Variants in CACHD1 observed in about 807,000 individuals in gnomAD.
The protein encoded by CACHD1 is VWFA and cache domain-containing protein 1.
CACHD1 carries 71 observed loss-of-function variants against 138.7 expected under a neutral mutation model. The observed-to-expected ratio is 0.51, with a 90% CI of 0.42 to 0.62. The LOEUF is 0.62. Among genes scored for constraint, CACHD1 ranks in the 20% least tolerant of loss-of-function variants. The pLI is 0.00. For synonymous variants in CACHD1, 578 were observed against 591.5 expected, an observed-to-expected ratio of 0.98 and a Z score of 0.33; for missense variants, 1,389 against 1,625.3, an observed-to-expected ratio of 0.85 and a Z score of 2.50.
At chr1:64,681,547 T>TTTTTTGTTTG (rs1481216139) in intron 25 of CACHD1, among the ~76,000 whole-genome samples, 8 of 114,504 alleles carry the variant, frequency 7.0e-5, no homozygotes, top group African/African-American at 2.2e-4. Flanking sequence ...TTGTGTTTTT[T>TTTTTTGTTTG]TTTTTTTTTT....
rs376685233 is a variant in CACHD1 at position 64,590,163 on chromosome 1, A to G, written c.410+7859A>G. 8.5e-5 allele frequency among the ~76,000 whole-genome samples: 13 copies of G among 152,128 alleles called. 1 individual carries two copies. Among genetic ancestry groups the G allele is most frequent in the Admixed American group, 4.6e-4 (7 of 15,270 alleles). ...TCTACTAAAAACAAACAAAACAAAC[A>G]AACAAAAAATTAGCCGGGCGTGGTG... On this transcript the variant is annotated intron_variant, in intron 3 of 26. Coordinates refer to ENST00000651257, the MANE Select transcript of CACHD1 (RefSeq NM_020925.4).
intron 1 of CACHD1, among the ~76,000 whole-genome samples, chr1:64,515,770 T>C (rs1646454256): frequency 1.3e-5 from 2 of 152,158 alleles, no homozygotes; most frequent in African/African-American, 4.8e-5. Context: ...TCTGAAGTGG[T>C]GTGCAGAAAT....
intron 3 of CACHD1, among the ~76,000 whole-genome samples, chr1:64,590,857 A>T (rs988314752): frequency 2.0e-5 from 3 of 152,172 alleles, no homozygotes; most frequent in Non-Finnish European, 2.9e-5. Context: ...CAAAGAGTGG[A>T]TGGGCCTCCA....
chr1:64,598,335 T>C (rs2100570098), intron 3 of CACHD1, among the ~76,000 whole-genome samples: 1 of 152,330 alleles, frequency 6.6e-6, no homozygotes, highest in Non-Finnish European at 1.5e-5. Context: ...CTAACTTGAC[T>C]GGCGAGTGAA....
intron 4 of CACHD1, chr1:64,613,528 C>T (rs1055626733): frequency 5.3e-5 from 8 of 152,238 alleles, no homozygotes; most frequent in South Asian, 2.1e-4. Flanking sequence ...GGTATGGCTA[C>T]GTGTTTAAAA....
At chr1:64,654,599 A>C in intron 11 of CACHD1, 87 bp from the exon 12 acceptor site, 1 of 911,208 alleles carries the variant, frequency 1.1e-6, no homozygotes, top group Non-Finnish European at 1.8e-6. Flanking sequence ...GGAGGTGGCC[A>C]TTGACTCAAC....
chr1:64,641,878 A>G lies in CACHD1; in HGVS notation c.1065A>G (p.Glu355=). ...SAGITSKDSS[E]EDKKATLQVI... ...GCATTACATCAAAGGACTCTTCGGA[A>G]GAAGATAAAAAAGCGACTCTCCAAG... Residue 355 remains glutamate, a synonymous_variant, in exon 8 of 27, where the codon GAA becomes GAG. Coordinates refer to ENST00000651257, the MANE Select transcript of CACHD1 (RefSeq NM_020925.4). 6.3e-7 allele frequency: 1 copy of G among 1,594,398 alleles called. No individual in the cohort carries two copies. The highest frequency in any genetic ancestry group is 8.6e-7 in the Non-Finnish European group (1 of 1,166,864).
At position 64,557,856 on chromosome 1, in the gene CACHD1, T is replaced by A. The variant is rs79931109; in HGVS notation, c.261+7200T>A. Among the ~76,000 whole-genome samples, 3 of 152,280 alleles carry A rather than the reference T, an allele frequency of 2.0e-5. No homozygotes were observed. The East Asian group carries it at 5.8e-4, about 29-fold the overall frequency. On this transcript the variant is annotated intron_variant, in intron 2 of 26. Transcript: ENST00000651257. ...CCCAGTCACCCAGCCTGGAGTGCAATGCAGCGATCTCGGCTAACTGCAACC... is the reference window on the plus strand; with the variant it reads ...CCCAGTCACCCAGCCTGGAGTGCAAAGCAGCGATCTCGGCTAACTGCAACC...
chr1:64,547,627 A>T (rs1646727644), intron 1 of CACHD1, among the ~76,000 whole-genome samples: 1 of 152,144 alleles, frequency 6.6e-6, no homozygotes, highest in Non-Finnish European at 1.5e-5. Context: ...TAAGCCTCCC[A>T]AGGTGCTGGG....
intron 1 of CACHD1, among the ~76,000 whole-genome samples, chr1:64,532,230 A>G (rs1646592837): frequency 6.6e-6 from 1 of 152,148 alleles, no homozygotes; most frequent in African/African-American, 2.4e-5. Flanking sequence ...CCAGTGGGGT[A>G]TGGCTGACTC....
intron 3 of CACHD1, among the ~76,000 whole-genome samples, chr1:64,602,049 G>C (rs748880914): frequency 2.0e-5 from 3 of 152,062 alleles, no homozygotes; most frequent in African/African-American, 4.8e-5. Context: ...CTATAGCAAT[G>C]GATCATTGAT....
chr1:64,501,421 C>A (rs1162760206), intron 1 of CACHD1, among the ~76,000 whole-genome samples: 1 of 152,172 alleles, frequency 6.6e-6, no homozygotes, highest in Non-Finnish European at 1.5e-5. Flanking sequence ...TGACCAGAGG[C>A]CTTCCAGTCA....
intron 1 of CACHD1, among the ~76,000 whole-genome samples, chr1:64,543,398 A>ATACATATAT (rs1207530916): frequency 3.8e-5 from 2 of 53,074 alleles, no homozygotes; most frequent in African/African-American, 8.0e-5. Flanking sequence ...TCTAAAAAAA[A>ATACATATAT]ATACATATAT....
At chr1:64,477,584 G>GATTATTATTATTATT (rs10701038) in intron 1 of CACHD1, among the ~76,000 whole-genome samples, 1 of 136,158 alleles carries the variant, frequency 7.3e-6, no homozygotes, top group Non-Finnish European at 1.5e-5. Context: ...CTTCCCCCCA[G>GATTATTATTATTATT]ATTATTATTA....
At chr1:64,543,402 C>CATATATATATATATATATATATATAT (rs140966471) in intron 1 of CACHD1, among the ~76,000 whole-genome samples, 108 of 126,818 alleles carry the variant, frequency 8.5e-4, no homozygotes, top group Middle Eastern at 3.8e-3. Flanking sequence ...AAAAAAAATA[C>CATATATATATATATATATATATATAT]ATATATATAT....
At chr1:64,665,526 T>C (rs116098231) in intron 15 of CACHD1, among the ~76,000 whole-genome samples, 2,438 of 152,284 alleles carry the variant, frequency 0.016, 31 homozygotes, top group Non-Finnish European at 0.023. Context: ...AGATATATAC[T>C]GAGTTCAATG....
chr1:64,612,315 T>C (rs1253966910), intron 4 of CACHD1, among the ~76,000 whole-genome samples: 1 of 152,240 alleles, frequency 6.6e-6, no homozygotes, highest in African/African-American at 2.4e-5. Flanking sequence ...CATTTTTGTA[T>C]GCATTTACCT....
chr1:64,656,263 G>A (rs1373304000), intron 12 of CACHD1, among the ~76,000 whole-genome samples: 1 of 152,090 alleles, frequency 6.6e-6, no homozygotes, highest in East Asian at 1.9e-4. Context: ...TTTGTTGTTT[G>A]GTAATACACA....
At chr1:64,664,829 C>T (rs1384391450) in intron 15 of CACHD1, 150 bp downstream of exon 15, 2 of 630,134 alleles carry the variant, frequency 3.2e-6, no homozygotes, top group Non-Finnish European at 5.2e-6. Flanking sequence ...TTTTTCAGTG[C>T]AGCATTAACA....
Sources: allele counts gnomAD v4.1 joint callset (sites outside exome capture counted in the v4.1 genomes callset), GRCh38; gene constraint gnomAD v4.1.1; transcripts MANE v1.5; gene names NCBI Gene and HGNC (gene_info 2026-07-23, HGNC 2026-07-21).